Variants in RPS6KA5 observed in about 807,000 individuals in gnomAD.
RPS6KA5 encodes the protein ribosomal protein S6 kinase alpha-5.
RPS6KA5 carries 27 observed loss-of-function variants against 85.5 expected under a neutral mutation model. That is an observed-to-expected ratio of 0.32 (90% CI 0.23 to 0.44). The LOEUF (loss-of-function observed/expected upper bound fraction) is 0.44, where lower values mean the gene tolerates loss of function less well. Ranked by LOEUF, RPS6KA5 falls within the 20% of genes least tolerant of loss-of-function variation. The pLI, the probability that RPS6KA5 is intolerant of heterozygous loss-of-function variation, is 1.00. For synonymous variants in RPS6KA5, 334 were observed against 348.2 expected, an observed-to-expected ratio of 0.96 and a Z score of 0.46; for missense variants, 811 against 980.9, an observed-to-expected ratio of 0.83 and a Z score of 2.31.
intron 3 of RPS6KA5, among the ~76,000 whole-genome samples, chr14:90,961,123 A>G (rs1484586023): frequency 1.3e-5 from 2 of 152,226 alleles, no homozygotes; most frequent in Non-Finnish European, 2.9e-5. Context: ...TTCTGAGACC[A>G]AAGAATAACA....
At chr14:90,959,836 T>C (rs914239388) in intron 3 of RPS6KA5, among the ~76,000 whole-genome samples, 4 of 152,230 alleles carry the variant, frequency 2.6e-5, no homozygotes, top group African/African-American at 9.6e-5. Context: ...AAGGAGTTGT[T>C]AGCCAAAAAT....
rs200260836 is a variant in RPS6KA5, at chr14:90,894,493, T to C, written c.1564A>G (p.Ser522Gly). The C allele has an allele frequency of 3.7e-6, 6 of 1,614,196 alleles. No homozygotes were observed. ...KKKHFSETEA[S>G]YIMRKLVSAV... The stretch of plus-strand genomic sequence containing the variant: ...GAAACAAGCTTCCTCATGATGTAGC[T>C]GGCTTCCGTCTCACTGAAGTGCTTC... The change falls in exon 13 of 17, where the codon AGC (serine) becomes GGC (glycine). Residue 522 changes from serine to glycine, a missense_variant. Physicochemically the swap from Ser to Gly is moderately conservative, Grantham distance 56. Transcript: ENST00000614987.
intron 1 of RPS6KA5, among the ~76,000 whole-genome samples, chr14:91,011,552 T>C (rs2041259700): frequency 6.6e-6 from 1 of 152,184 alleles, no homozygotes; most frequent in South Asian, 2.1e-4. Context: ...GCACTATCCA[T>C]GGGACAATCT....
At chr14:90,987,801 CTGCTCAT>C (rs1420008667) in intron 2 of RPS6KA5, among the ~76,000 whole-genome samples, 1 of 152,206 alleles carries the variant, frequency 6.6e-6, no homozygotes, top group Non-Finnish European at 1.5e-5. Flanking sequence ...CAAATGGTTA[CTGCTCAT>C]TAGACACTAT....
chr14:90,934,671 G>GT (rs2037167721), intron 5 of RPS6KA5, among the ~76,000 whole-genome samples: 1 of 151,928 alleles, frequency 6.6e-6, no homozygotes, highest in Admixed American at 6.6e-5. Context: ...AAAAAAAATC[G>GT]TATTATGAAT....
intron 14 of RPS6KA5, among the ~76,000 whole-genome samples, chr14:90,879,679 C>T (rs1230078558): frequency 6.6e-6 from 1 of 152,140 alleles, no homozygotes; most frequent in Admixed American, 6.5e-5. Flanking sequence ...AGTCCTGCAC[C>T]CTTGGGATTA....
In RPS6KA5 at chr14:90,867,901, A is replaced by G. The variant is rs1304624883; in HGVS notation, c.*4173T>C. ...TGTAGGGGAAGCATTTGGAATGGTA[A>G]TCAACTACTTAATTACATAACAGGG... On this transcript the variant is annotated 3_prime_UTR_variant, in exon 17 of 17. Coordinates refer to ENST00000614987, the MANE Select transcript of RPS6KA5 (RefSeq NM_004755.4). 6.6e-6 allele frequency: 1 copy of G among 152,130 alleles called. No homozygotes were observed. Among genetic ancestry groups the G allele is most frequent in the Non-Finnish European group, 1.5e-5 (1 of 68,004 alleles). 9.4% of individuals were successfully genotyped at this position (152,130 alleles called of 1,614,324 possible). A position where few individuals can be genotyped will look rare whatever the true frequency, so the allele number is the denominator to read the frequency against.
chr14:90,881,655 C>T (rs542465501), intron 14 of RPS6KA5, among the ~76,000 whole-genome samples: 36 of 152,070 alleles, frequency 2.4e-4, no homozygotes, highest in Non-Finnish European at 4.1e-4. Flanking sequence ...CACACACCAC[C>T]ACGCCTGGAT....
In RPS6KA5 at chr14:90,852,082, ACTT is replaced by A. The variant is rs2032025613; in HGVS notation, c.*19989_*19991del. On this transcript the variant is annotated 3_prime_UTR_variant, in exon 17 of 17. Coordinates refer to ENST00000614987, the MANE Select transcript of RPS6KA5 (RefSeq NM_004755.4). ...ATCGGTATCTTTTCTTTAAAAAATC[ACTT>A]TTTTTTTTTTTTTTTTTTTTTTAAG... 1 of 75,236 alleles carries A rather than the reference ACTT, an allele frequency of 1.3e-5. No homozygotes were observed. The highest frequency in any genetic ancestry group is 4.2e-5 in the African/African-American group (1 of 24,096). The allele number at this position is 75,236 out of a possible 1,614,324, so 4.7% of individuals were successfully genotyped here.
intron 2 of RPS6KA5, among the ~76,000 whole-genome samples, chr14:90,981,748 C>G (rs1874692302): frequency 6.6e-6 from 1 of 152,224 alleles, no homozygotes; most frequent in African/African-American, 2.4e-5. Context: ...AGCTACAATG[C>G]TTCACCACAT....
At chr14:90,986,086 A>T (rs540353537) in intron 2 of RPS6KA5, among the ~76,000 whole-genome samples, 3 of 152,204 alleles carry the variant, frequency 2.0e-5, no homozygotes, top group Non-Finnish European at 4.4e-5. Context: ...TTTTTAGATG[A>T]TGGATTCAAC....
At chr14:90,908,714 A>G (rs887832894) in intron 7 of RPS6KA5, among the ~76,000 whole-genome samples, 8 of 152,134 alleles carry the variant, frequency 5.3e-5, no homozygotes, top group African/African-American at 1.9e-4. Context: ...CTTATACCAT[A>G]CTCTTGAAAT....
At chr14:90,920,438 T>G in intron 6 of RPS6KA5, 129 bp from the exon 7 acceptor site, 3 of 633,580 alleles carry the variant, frequency 4.7e-6, no homozygotes, top group Non-Finnish European at 8.3e-6. Flanking sequence ...TCCTTCTATG[T>G]AAGGAGTATT....
intron 1 of RPS6KA5, among the ~76,000 whole-genome samples, chr14:91,002,083 G>C (rs1409475926): frequency 1.3e-5 from 2 of 152,110 alleles, no homozygotes; most frequent in Non-Finnish European, 2.9e-5. Context: ...CTCTGTAGAA[G>C]TGGTTAAGAA....
chr14:91,006,771 G>C (rs929579614), intron 1 of RPS6KA5, among the ~76,000 whole-genome samples: 1 of 151,960 alleles, frequency 6.6e-6, no homozygotes, highest in Non-Finnish European at 1.5e-5. Flanking sequence ...CTTTCACCAT[G>C]TTGGCCAAGC....
chr14:90,919,833 T>C (rs2036309038), intron 7 of RPS6KA5, among the ~76,000 whole-genome samples: 2 of 152,202 alleles, frequency 1.3e-5, no homozygotes, highest in Non-Finnish European at 1.5e-5. Flanking sequence ...TCATTACTGT[T>C]TCTTCATGTT....
intron 2 of RPS6KA5, among the ~76,000 whole-genome samples, chr14:90,990,570 T>A (rs779222143): frequency 6.6e-6 from 1 of 152,176 alleles, no homozygotes; most frequent in African/African-American, 2.4e-5. Context: ...AAAAGACATA[T>A]GTACTCATAT....
intron 1 of RPS6KA5, among the ~76,000 whole-genome samples, chr14:91,001,692 A>G (rs1408165745): frequency 1.3e-5 from 2 of 152,190 alleles, no homozygotes; most frequent in African/African-American, 4.8e-5. Context: ...GTTGGTCTCA[A>G]TGAACTCTAG....
chr14:90,928,371 T>C (rs971656246), intron 5 of RPS6KA5, among the ~76,000 whole-genome samples: 5 of 151,970 alleles, frequency 3.3e-5, no homozygotes, highest in Non-Finnish European at 4.4e-5. Flanking sequence ...AGAAAAAGAA[T>C]ATGAAAGAAG....
Sources: gnomAD v4.1 joint callset for allele counts (sites outside exome capture counted in the v4.1 genomes callset) on GRCh38, gnomAD v4.1.1 for gene constraint, MANE v1.5 for transcripts, NCBI Gene and HGNC (gene_info 2026-07-23, HGNC 2026-07-21) for gene names.